CD93: variants seen among roughly 807,000 people sequenced by gnomAD.
CD93 encodes the protein CD93 molecule.
Under a neutral mutation model 45.5 loss-of-function variants are expected in CD93, and 44 were observed. That is an observed-to-expected ratio of 0.97 (90% CI 0.76 to 1.24). The LOEUF is 1.24. Among genes scored for constraint, CD93 ranks in the 50% most tolerant of loss-of-function variants. CD93 has a pLI of 0.00. For synonymous variants in CD93, 431 were observed against 370.8 expected, an observed-to-expected ratio of 1.16 and a Z score of -1.87; for missense variants, 918 against 844.5, an observed-to-expected ratio of 1.09 and a Z score of -1.08.
Position 23,083,701 on chromosome 20 carries a change from T to G in CD93, c.*249A>C. 3.6e-6 allele frequency: 2 copies of G among 557,970 alleles called. No homozygotes were observed. Among genetic ancestry groups the G allele is most frequent in the South Asian group, 2.2e-5 (1 of 44,944 alleles). 34.6% of individuals were successfully genotyped at this position (557,970 alleles called of 1,614,324 possible). On this transcript the variant is annotated 3_prime_UTR_variant, in exon 2 of 2. Coordinates refer to ENST00000246006, the MANE Select transcript of CD93 (RefSeq NM_012072.4). ...TTGGAATTTGAAAAGGGAGGGGGAG[T>G]AACAATCATTATAGAGTCACGAAAT...
At position 23,086,012 on chromosome 20, in the gene CD93, C is replaced by A. The variant is rs1178221482; in HGVS notation, c.181G>T (p.Ala61Ser). The change falls in exon 1 of 2, where the codon GCC (alanine) becomes TCC (serine). Residue 61 changes from alanine to serine, a missense_variant. Transcript: ENST00000246006. ...GCCTCCTCCTTGCTCTTCACAGTGGCCAGGTTGCCCCCGTTCTGGTTGCAG... is the reference window on the plus strand; with the variant it reads ...GCCTCCTCCTTGCTCTTCACAGTGGACAGGTTGCCCCCGTTCTGGTTGCAG... ...NHCNQNGGNL[A>S]TVKSKEEAQH... 4 of 1,610,310 alleles carry A rather than the reference C, an allele frequency of 2.5e-6. No homozygotes were observed. The highest frequency in any genetic ancestry group is 3.4e-6 in the Non-Finnish European group (4 of 1,179,362).
rs1402489913 is a variant in CD93, at chr20:23,082,266, C to T, written c.*1684G>A. On this transcript the variant is annotated 3_prime_UTR_variant, in exon 2 of 2. Coordinates refer to ENST00000246006, the MANE Select transcript of CD93 (RefSeq NM_012072.4). Reference sequence around the variant, plus strand: ...TTTCAAAACTGGCAAGAGTATTAACCCTGCACCTTGTGGCCCTTCAACCAC... The same window carrying T: ...TTTCAAAACTGGCAAGAGTATTAACTCTGCACCTTGTGGCCCTTCAACCAC... The T allele has an allele frequency of 2.6e-5, 4 of 152,302 alleles. No individual in the cohort carries two copies. The highest frequency in any genetic ancestry group is 9.6e-5 in the African/African-American group (4 of 41,540). The allele number at this position is 152,302 out of a possible 1,614,324, so 9.4% of individuals were successfully genotyped here. A position where few individuals can be genotyped will look rare whatever the true frequency, so the allele number is the denominator to read the frequency against.
In CD93 at chr20:23,085,720, G is replaced by C. The variant is rs973486876; in HGVS notation, c.473C>G (p.Pro158Arg). 3 of 1,611,434 alleles carry C rather than the reference G, an allele frequency of 1.9e-6. No individual in the cohort carries two copies. Among genetic ancestry groups the C allele is most frequent in the Admixed American group, 1.7e-5 (1 of 60,002 alleles). ...LSQPLLPSRL[P>R]KWSEGPCGSP... ...CCCACAGGGGCCCTCAGACCACTTGGGGAGGCGGCTGGGAAGGAGCGGCTG... is the reference window on the plus strand; with the variant it reads ...CCCACAGGGGCCCTCAGACCACTTGCGGAGGCGGCTGGGAAGGAGCGGCTG... Residue 158 changes from proline (P) to arginine (R), a missense_variant, in exon 1 of 2, where the codon CCC becomes CGC. By Grantham distance (103) the Pro-to-Arg change is moderately radical. Coordinates refer to ENST00000246006, the MANE Select transcript of CD93 (RefSeq NM_012072.4).
rs1568677778 is a variant in CD93 at position 23,084,706 on chromosome 20, CG to C, written c.1486del (p.Arg496ValfsTer92). 1 of 1,589,982 alleles carries C rather than the reference CG, an allele frequency of 6.3e-7. No individual in the cohort carries two copies. Among genetic ancestry groups the C allele is most frequent in the East Asian group, 2.2e-5 (1 of 44,666 alleles). On this transcript the variant is annotated frameshift_variant, in exon 1 of 2. Coordinates refer to ENST00000246006, the MANE Select transcript of CD93 (RefSeq NM_012072.4). LOFTEE classifies it high-confidence loss of function. Reference sequence around the variant, plus strand: ...CCTTGTGGGACTGGCTGTTGCAGCACGGGGCACGGTGCTCCCTTCTTTCTCT... The same window carrying C: ...CCTTGTGGGACTGGCTGTTGCAGCACGGGCACGGTGCTCCCTTCTTTCTCT... ...KGEKEGSTVP[R>X]AATASPTRGP...
In CD93 at chr20:23,085,576, T is replaced by TGGAAGGG; in HGVS notation, c.610_616dup (p.Gln206ProfsTer26). On this transcript the variant is annotated frameshift_variant, in exon 1 of 2. Coordinates refer to ENST00000246006, the MANE Select transcript of CD93 (RefSeq NM_012072.4). LOFTEE classifies it high-confidence loss of function. ...AGCCTCCAAGGAGGAACTGGTGGTCTGGAAGGGGGTGGTGTAGGTCACCTG... is the reference window on the plus strand; with the variant it reads ...AGCCTCCAAGGAGGAACTGGTGGTCTGGAAGGGGGAAGGGGGTGGTGTAGGTCACCTG... The TGGAAGGG allele has an allele frequency of 1.2e-6, 2 of 1,613,816 alleles. No homozygotes were observed. Among genetic ancestry groups the TGGAAGGG allele is most frequent in the Non-Finnish European group, 1.7e-6 (2 of 1,180,028 alleles).
rs1157154077 is a variant in CD93 at position 23,085,747 on chromosome 20, G to C, written c.446C>G (p.Ser149Cys). Reference protein sequence around the residue: ...KRCVSLLLDLSQPLLPSRLPK... With the variant: ...KRCVSLLLDLCQPLLPSRLPK... ...GAGGCGGCTGGGAAGGAGCGGCTGG[G>C]ACAGGTCCAGCAGCAGAGACACACA... The change falls in exon 1 of 2, where the codon TCC becomes TGC. Residue 149 changes from serine (S) to cysteine (C), a missense_variant. Transcript: ENST00000246006. 6.2e-7 allele frequency: 1 copy of C among 1,610,774 alleles called. No homozygotes were observed. Among genetic ancestry groups the C allele is most frequent in the East Asian group, 2.2e-5 (1 of 44,878 alleles).
rs1465067615 is a variant in CD93, at chr20:23,086,085, G to A, written c.108C>T (p.Cys36=). The change falls in exon 1 of 2, where the codon TGC becomes TGT. Residue 36 remains cysteine (C), a synonymous_variant. Transcript: ENST00000246006. ...TEAVVCVGTA[C]YTAHSGKLSA... ...TCAGCTTGCCCGAGTGGGCCGTGTA[G>A]CAGGCGGTCCCCACGCAGACCACCG... is the stretch of plus-strand genomic sequence containing the variant. 6.3e-7 allele frequency: 1 copy of A among 1,599,852 alleles called. No homozygotes were observed. Among genetic ancestry groups the A allele is most frequent in the Non-Finnish European group, 8.5e-7 (1 of 1,178,750 alleles).
chr20:23,085,240 A>G lies in CD93; in HGVS notation c.953T>C (p.Val318Ala). The G allele has an allele frequency of 6.8e-6, 11 of 1,611,456 alleles. No homozygotes were observed. Among genetic ancestry groups the G allele is most frequent in the Non-Finnish European group, 9.3e-6 (11 of 1,178,668 alleles). The change falls in exon 1 of 2, where the codon GTC (valine) becomes GCC (alanine). Residue 318 changes from valine to alanine, a missense_variant. Transcript: ENST00000246006. The part of the protein sequence containing the change: ...SSPCRGGATC[V>A]LGPHGKNYTC... ...GTAGTTTTTCCCATGGGGTCCCAGG[A>G]CGCACGTGGCCCCCCCACGACATGG...
In CD93 at chr20:23,081,526, G is replaced by A. The variant is rs1252278702; in HGVS notation, c.*2424C>T. 1 of 152,248 alleles carries A rather than the reference G, an allele frequency of 6.6e-6. No individual in the cohort carries two copies. The highest frequency in any genetic ancestry group is 2.4e-5 in the African/African-American group (1 of 41,466). 9.4% of individuals were successfully genotyped at this position (152,248 alleles called of 1,614,324 possible). On this transcript the variant is annotated 3_prime_UTR_variant, in exon 2 of 2. Transcript: ENST00000246006. Reference sequence around the variant, plus strand: ...TCAGATGCACAACCTGAGCTGTCTGGTTGGGTTGCTGGCTCTCCCCCCGTG... The same window carrying A: ...TCAGATGCACAACCTGAGCTGTCTGATTGGGTTGCTGGCTCTCCCCCCGTG...
chr20:23,083,878 CT>C lies in CD93; in HGVS notation c.*71del. 1 of 1,454,802 alleles carries C rather than the reference CT, an allele frequency of 6.9e-7. No individual in the cohort carries two copies. Among genetic ancestry groups the C allele is most frequent in the Non-Finnish European group, 9.7e-7 (1 of 1,034,332 alleles). The allele number at this position is 1,454,802 out of a possible 1,614,324, so 90.1% of individuals were successfully genotyped here. A position where few individuals can be genotyped will look rare whatever the true frequency, so the allele number is the denominator to read the frequency against. On this transcript the variant is annotated 3_prime_UTR_variant, in exon 2 of 2. Transcript: ENST00000246006. ...GTCTTTCAAAAAAATGTGGGTGCCC[CT>C]TTGGAATGGGGAGTTCAAAGCTCTG...
rs753950194 is a variant in CD93 at position 23,084,527 on chromosome 20, A to T, written c.1666T>A (p.Ser556Thr). Residue 556 changes from serine (S) to threonine (T), a missense_variant, in exon 1 of 2, where the codon TCT (serine) becomes ACT (threonine). By Grantham distance (58) the Ser-to-Thr change is moderately conservative. Coordinates refer to ENST00000246006, the MANE Select transcript of CD93 (RefSeq NM_012072.4). ...CCACCTGCAGGCTCCTGGGGGCCAG[A>T]GGCAGCTGTGGCGTGATGGATGCTG... ...EPSIHHATAA[S>T]GPQEPAGGDS... The T allele has an allele frequency of 5.0e-6, 8 of 1,613,860 alleles. No individual in the cohort carries two copies. Among genetic ancestry groups the T allele is most frequent in the Admixed American group, 1.7e-5 (1 of 60,008 alleles).
chr20:23,084,472 T>C lies in CD93; in HGVS notation c.1721A>G (p.Asp574Gly). ...AAGCAGCTTTTGCCCGTCAGTGCCA[T>C]CGTTGTTTTGTGTGGCCACGGAGGA... ...GDSSVATQNN[D>G]GTDGQKLLLF... Residue 574 changes from aspartate to glycine, a missense_variant, in exon 1 of 2, where the codon GAT (aspartate) becomes GGT (glycine). Asp to Gly is a moderately conservative substitution (Grantham distance 94). Transcript: ENST00000246006. 1.2e-6 allele frequency: 2 copies of C among 1,614,184 alleles called. No individual in the cohort carries two copies. The highest frequency in any genetic ancestry group is 3.3e-5 in the Admixed American group (2 of 60,034).
Position 23,082,400 on chromosome 20 carries a change from C to A in CD93, c.*1550G>T, listed in dbSNP as rs1426014584. Reference sequence around the variant, plus strand: ...GAGACACATTTCCTCTGTCTGTTCTCCTGCACAGTGGTGGTAAAAAGCCCA... The same window carrying A: ...GAGACACATTTCCTCTGTCTGTTCTACTGCACAGTGGTGGTAAAAAGCCCA... On this transcript the variant is annotated 3_prime_UTR_variant, in exon 2 of 2. Coordinates refer to ENST00000246006, the MANE Select transcript of CD93 (RefSeq NM_012072.4). 2 of 152,126 alleles carry A rather than the reference C, an allele frequency of 1.3e-5. No homozygotes were observed. The highest frequency in any genetic ancestry group is 2.9e-5 in the Non-Finnish European group (2 of 68,046). 9.4% of individuals were successfully genotyped at this position (152,126 alleles called of 1,614,324 possible). A position where few individuals can be genotyped will look rare whatever the true frequency, so the allele number is the denominator to read the frequency against.
At position 23,086,125 on chromosome 20, in the gene CD93, C is replaced by T; in HGVS notation, c.68G>A (p.Gly23Glu). ...GCAGACCACCGCCTCCGTGTCAGCT[C>T]CCGTCCCCGCCCCGGGCTGGGTCAG... ...LLLTQPGAGTGADTEAVVCVG... is the reference protein window; with the variant it reads ...LLLTQPGAGTEADTEAVVCVG... Residue 23 changes from glycine to glutamate, a missense_variant, in exon 1 of 2, where the codon GGA (glycine) becomes GAA (glutamate). By Grantham distance (98) the Gly-to-Glu change is moderately conservative (BLOSUM62 -2). Coordinates refer to ENST00000246006, the MANE Select transcript of CD93 (RefSeq NM_012072.4). 1 of 1,583,906 alleles carries T rather than the reference C, an allele frequency of 6.3e-7. No individual in the cohort carries two copies. Among genetic ancestry groups the T allele is most frequent in the Non-Finnish European group, 8.5e-7 (1 of 1,172,354 alleles).
At position 23,084,389 on chromosome 20, in the gene CD93, C is replaced by A; in HGVS notation, c.1804G>T (p.Gly602Trp). 6.2e-7 allele frequency: 1 copy of A among 1,614,246 alleles called. No individual in the cohort carries two copies. Among genetic ancestry groups the A allele is most frequent in the Non-Finnish European group, 8.5e-7 (1 of 1,180,056 alleles). The change falls in exon 1 of 2, where the codon GGG becomes TGG. Residue 602 changes from glycine (G) to tryptophan (W), a missense_variant. Gly to Trp is a radical substitution (Grantham distance 184). Transcript: ENST00000246006. ...CTCCGCTTGCGATAGACCAGTAGCC[C>A]CAGAGCCAGGGCCAGCAGGAGTAGG... ...AILLLLALAL[G>W]LLVYRKRRAK... is the part of the protein sequence containing the mutation.
In CD93 at chr20:23,085,693, C is replaced by T. The variant is rs1985475003; in HGVS notation, c.500G>A (p.Ser167Asn). Residue 167 changes from serine to asparagine, a missense_variant, in exon 1 of 2, where the codon AGC (serine) becomes AAC (asparagine). Ser to Asn is a conservative substitution (Grantham distance 46, BLOSUM62 1). Transcript: ENST00000246006. ...AATGTTACTTCCGGGGGAGCCTGGGCTCCCACAGGGGCCCTCAGACCACTT... is the reference window on the plus strand; with the variant it reads ...AATGTTACTTCCGGGGGAGCCTGGGTTCCCACAGGGGCCCTCAGACCACTT... ...LPKWSEGPCG[S>N]PGSPGSNIEG... 1.2e-6 allele frequency: 2 copies of T among 1,610,600 alleles called. No homozygotes were observed. Among genetic ancestry groups the T allele is most frequent in the African/African-American group, 2.7e-5 (2 of 74,930 alleles).
Position 23,085,326 on chromosome 20 carries a change from T to C in CD93, c.867A>G (p.Pro289=). The C allele has an allele frequency of 6.2e-7, 1 of 1,614,000 alleles. No individual in the cohort carries two copies. The highest frequency in any genetic ancestry group is 8.5e-7 in the Non-Finnish European group (1 of 1,180,006). ...CCAGGTCATCCAGCAGCCGGAATCCTGGTCGGCAGCCGCAGAGGAAGGAGC... is the reference window on the plus strand; with the variant it reads ...CCAGGTCATCCAGCAGCCGGAATCCCGGTCGGCAGCCGCAGAGGAAGGAGC... ...GDGSFLCGCR[P]GFRLLDDLVT... is the part of the protein sequence containing the mutation. The change falls in exon 1 of 2, where the codon CCA becomes CCG. Residue 289 remains proline, a synonymous_variant. Transcript: ENST00000246006.
rs745470583 is a variant in CD93 at position 23,086,180 on chromosome 20, T to C, written c.13A>G (p.Met5Val). Residue 5 changes from methionine to valine, a missense_variant, in exon 1 of 2, where the codon ATG becomes GTG. Transcript: ENST00000246006. MATS[M>V]GLLLLLLLLL... ...AGCAGCAGCAGCAGCAGCAGGCCCA[T>C]GGAGGTGGCCATCCCGGTCTCTGTG... The C allele has an allele frequency of 1.3e-4, 194 of 1,541,140 alleles. 1 individual carries two copies. In the South Asian group the frequency reaches 1.4e-3, roughly 11 times the overall value.
Position 23,086,286 on chromosome 20 carries a change from A to G in CD93, c.-94T>C, listed in dbSNP as rs1985499781. On this transcript the variant is annotated 5_prime_UTR_variant, in exon 1 of 2. Transcript: ENST00000246006. ...CCCAGCTGGGCCCCAAGGGGAGCTG[A>G]GGGGTGAGCTGCAGCCACTCCGGCG... 1 of 1,409,530 alleles carries G rather than the reference A, an allele frequency of 7.1e-7. No individual in the cohort carries two copies. The highest frequency in any genetic ancestry group is 1.4e-5 in the African/African-American group (1 of 69,138). 87.3% of individuals were successfully genotyped at this position (1,409,530 alleles called of 1,614,324 possible).
Sources: allele counts gnomAD v4.1 joint callset, GRCh38; gene constraint gnomAD v4.1.1; transcripts MANE v1.5; gene names NCBI Gene and HGNC (gene_info 2026-07-23, HGNC 2026-07-21).